The following SHANK2 variants were observed in gnomAD, a reference collection of about 807,000 sequenced individuals.
SHANK2 encodes SH3 and multiple ankyrin repeat domains 2.
A neutral mutation model predicts 133.7 loss-of-function variants in SHANK2; 43 were observed. The ratio of observed to expected loss-of-function variants is 0.32; its 90% confidence interval spans 0.25 to 0.41. The LOEUF (loss-of-function observed/expected upper bound fraction) is 0.41, where lower values mean the gene tolerates loss of function less well. Ranked by LOEUF, SHANK2 falls within the 10% of genes least tolerant of loss-of-function variation. The pLI, the probability that SHANK2 is intolerant of heterozygous loss-of-function variation, is 1.00. For missense variants in SHANK2, 1,994 were observed against 2,235.8 expected, an observed-to-expected ratio of 0.89 and a Z score of 2.18; for synonymous variants, 1,017 against 952.8, an observed-to-expected ratio of 1.07 and a Z score of -1.24.
intron 15 of SHANK2, among the ~76,000 whole-genome samples, chr11:70,684,539 G>A (rs185280950): frequency 2.0e-5 from 3 of 152,182 alleles, no homozygotes; most frequent in Admixed American, 6.5e-5. Context: ...CAGCCTGGGC[G>A]ACAGAGGGAA....
chr11:70,842,742 A>C (rs1948926467), intron 11 of SHANK2, among the ~76,000 whole-genome samples: 1 of 152,156 alleles, frequency 6.6e-6, no homozygotes, highest in African/African-American at 2.4e-5. Context: ...GCTAAAGGAG[A>C]CACTGCTGGA....
chr11:71,185,545 C>G (rs1555114366), intron 2 of SHANK2, among the ~76,000 whole-genome samples: 1 of 152,162 alleles, frequency 6.6e-6, no homozygotes, highest in African/African-American at 2.4e-5. Context: ...TAGCAGCGAG[C>G]CCAGGCTGGT....
chr11:70,817,515 C>A (rs957954027), intron 12 of SHANK2, among the ~76,000 whole-genome samples: 1 of 152,200 alleles, frequency 6.6e-6, no homozygotes, highest in Non-Finnish European at 1.5e-5. Context: ...GATTTTAGCA[C>A]TGAAAGTCCC....
chr11:70,610,746 G>A (rs1451194519), intron 17 of SHANK2, among the ~76,000 whole-genome samples: 1 of 152,224 alleles, frequency 6.6e-6, no homozygotes, highest in Non-Finnish European at 1.5e-5. Flanking sequence ...GGGCTGGCGT[G>A]CAGGAAAACC....
chr11:71,071,388 G>A (rs1348879375), intron 9 of SHANK2, among the ~76,000 whole-genome samples: 1 of 152,218 alleles, frequency 6.6e-6, no homozygotes, highest in Admixed American at 6.5e-5. Context: ...TCACAGCTCA[G>A]CTGAAATGCC....
At position 70,572,027 on chromosome 11, in the gene SHANK2, C is replaced by G. The variant is rs377055592; in HGVS notation, c.2062-69096G>C. Among the ~76,000 whole-genome samples, 54 of 152,330 alleles carry G rather than the reference C, an allele frequency of 3.5e-4. 1 individual carries two copies. The South Asian group carries it at 0.011, about 30-fold the overall frequency. The stretch of plus-strand genomic sequence containing the variant: ...AAAAGGGACCCCAGAGAGCTCGCTT[C>G]CACTTTCTCCCTCTGCCACTTGAGC... On this transcript the variant is annotated intron_variant, in intron 17 of 25. Transcript: ENST00000601538.
At chr11:70,953,236 G>A (rs111646285) in intron 10 of SHANK2, among the ~76,000 whole-genome samples, 5 of 152,134 alleles carry the variant, frequency 3.3e-5, no homozygotes, top group East Asian at 1.9e-4. Flanking sequence ...ACAGATCCAC[G>A]CCCTCCCCTC....
Position 70,804,789 on chromosome 11 carries a change from G to A in SHANK2, c.1663+2213C>T, listed in dbSNP as rs563746284. Among the ~76,000 whole-genome samples, 21 of 152,298 alleles carry A rather than the reference G, an allele frequency of 1.4e-4. No homozygotes were observed. Among genetic ancestry groups the A allele is most frequent in the African/African-American group, 5.1e-4 (21 of 41,572 alleles). On this transcript the variant is annotated intron_variant, in intron 13 of 25. Coordinates refer to ENST00000601538, the MANE Select transcript of SHANK2 (RefSeq NM_012309.5). The surrounding 1 kb of genome is among the most constrained non-coding windows in gnomAD (Gnocchi z 4.1). ...GCCTGCCATGTCCCAGGACCCCTGCGAGTCCTGGGTCCTCAAGTCTGCCTA... is the reference window on the plus strand; with the variant it reads ...GCCTGCCATGTCCCAGGACCCCTGCAAGTCCTGGGTCCTCAAGTCTGCCTA...
intron 15 of SHANK2, among the ~76,000 whole-genome samples, chr11:70,681,982 C>T (rs1219470801): frequency 2.6e-5 from 4 of 152,120 alleles, no homozygotes; most frequent in African/African-American, 9.7e-5. Flanking sequence ...CTGGGTGTGG[C>T]CTTCCCCCAG....
intron 1 of SHANK2, among the ~76,000 whole-genome samples, chr11:71,251,441 C>T (rs1031397346): frequency 1.2e-4 from 19 of 152,178 alleles, no homozygotes; most frequent in African/African-American, 4.6e-4. Context: ...CGGCTCCAGC[C>T]CAAGTGACGA....
At chr11:70,709,382 G>A (rs377207236) in intron 14 of SHANK2, among the ~76,000 whole-genome samples, 17 of 152,354 alleles carry the variant, frequency 1.1e-4, no homozygotes, top group African/African-American at 3.8e-4. Flanking sequence ...CTGCCACATG[G>A]CAGGACCTTA....
chr11:71,087,398 A>G (rs985731111), intron 8 of SHANK2, among the ~76,000 whole-genome samples: 3 of 152,188 alleles, frequency 2.0e-5, no homozygotes, highest in African/African-American at 7.2e-5. Context: ...GTTGAGACAC[A>G]GGGGCTATTC....
intron 15 of SHANK2, among the ~76,000 whole-genome samples, chr11:70,677,930 G>C (rs1944934426): frequency 6.6e-6 from 1 of 152,200 alleles, no homozygotes; most frequent in Non-Finnish European, 1.5e-5. Context: ...CCAGCCCTCT[G>C]TTCCCTTCCA....
At chr11:70,745,418 C>A (rs1280214200) in intron 14 of SHANK2, among the ~76,000 whole-genome samples, 1 of 152,224 alleles carries the variant, frequency 6.6e-6, no homozygotes, top group Non-Finnish European at 1.5e-5. Flanking sequence ...CGTGTCTCAG[C>A]CCTGGGGCTC....
At chr11:71,237,286 G>C (rs1306831411) in intron 1 of SHANK2, among the ~76,000 whole-genome samples, 2 of 152,172 alleles carry the variant, frequency 1.3e-5, no homozygotes, top group Non-Finnish European at 2.9e-5. Context: ...AAATAAATCA[G>C]GGTTGGCAAG....
chr11:70,488,990 C>T (rs554356827), intron 24 of SHANK2: 29 of 345,026 alleles, frequency 8.4e-5, no homozygotes, highest in Non-Finnish European at 1.2e-4. Context: ...CACCGACAGA[C>T]GCGTGGCACA....
At chr11:70,562,642 C>T (rs1434994115) in intron 17 of SHANK2, among the ~76,000 whole-genome samples, 5 of 152,100 alleles carry the variant, frequency 3.3e-5, no homozygotes, top group African/African-American at 9.7e-5. Flanking sequence ...TTACTTTTAA[C>T]TCTTTTGTGT....
chr11:70,630,258 G>A (rs78185068), intron 17 of SHANK2, among the ~76,000 whole-genome samples: 7,274 of 152,338 alleles, frequency 0.048, 250 homozygotes, highest in South Asian at 0.062. Context: ...AGGCAGCAGC[G>A]ATGCCCCAGG....
intron 2 of SHANK2, among the ~76,000 whole-genome samples, chr11:71,206,423 C>A (rs1187676940): frequency 6.6e-6 from 1 of 152,206 alleles, no homozygotes; most frequent in Admixed American, 6.5e-5. Flanking sequence ...GGATCTGCAA[C>A]TGCCACTCAG....
Sources: gnomAD v4.1 joint callset for allele counts (sites outside exome capture counted in the v4.1 genomes callset) on GRCh38, gnomAD v4.1.1 for gene constraint, Gnocchi (gnomAD v3.1) non-coding constraint, MANE v1.5 for transcripts, NCBI Gene and HGNC (gene_info 2026-07-23, HGNC 2026-07-21) for gene names.